EGFLAM: variants seen among roughly 807,000 people sequenced by gnomAD.
EGFLAM encodes the protein EGF like, fibronectin type III and laminin G domains.
Under a neutral mutation model 113.1 loss-of-function variants are expected in EGFLAM, and 79 were observed. The ratio of observed to expected loss-of-function variants is 0.70; its 90% confidence interval spans 0.58 to 0.84. The LOEUF is 0.84. Among genes scored for constraint, EGFLAM ranks in the 40% least tolerant of loss-of-function variants. The pLI is 0.00. For missense variants in EGFLAM, 1,265 were observed against 1,291.6 expected (o/e 0.98, Z 0.32); for synonymous variants, 504 against 487.6 (o/e 1.03, Z -0.44).
intron 1 of EGFLAM, among the ~76,000 whole-genome samples, chr5:38,290,053 A>G (rs970684734): frequency 6.6e-6 from 1 of 152,220 alleles, no homozygotes; most frequent in South Asian, 2.1e-4. Flanking sequence ...GAGCAAACTG[A>G]GCATTAAAGA....
chr5:38,406,118 T>C lies in EGFLAM; in HGVS notation c.713-8T>C. On this transcript the variant is annotated splice_region_variant and splice_polypyrimidine_tract_variant and intron_variant, in intron 6 of 21. Transcript: ENST00000322350. ...CTGATGAAGGGTGTGCTGCTTTTCTTTGTGAAGGCCCTGAGGAGGCGGGAA... is the reference window on the plus strand; with the variant it reads ...CTGATGAAGGGTGTGCTGCTTTTCTCTGTGAAGGCCCTGAGGAGGCGGGAA... The C allele has an allele frequency of 1.2e-6, 2 of 1,612,772 alleles. No individual in the cohort carries two copies.
At chr5:38,295,814 G>C (rs1758441507) in intron 1 of EGFLAM, among the ~76,000 whole-genome samples, 1 of 152,172 alleles carries the variant, frequency 6.6e-6, no homozygotes, top group Non-Finnish European at 1.5e-5. Context: ...TTTTTCAATT[G>C]ATAGTGGGTT....
intron 1 of EGFLAM, among the ~76,000 whole-genome samples, chr5:38,330,193 T>C (rs1489795369): frequency 7.2e-5 from 11 of 152,218 alleles, no homozygotes; most frequent in Admixed American, 1.3e-4. Flanking sequence ...TTCCAGACTA[T>C]CTTGTAGCCA....
intron 13 of EGFLAM, among the ~76,000 whole-genome samples, chr5:38,425,901 G>C (rs9686720): frequency 0.083 from 12,652 of 152,248 alleles, 1,716 homozygotes; most frequent in African/African-American, 0.29. Flanking sequence ...GCCGAGGTGG[G>C]CGGATCACGA....
At chr5:38,373,201 TC>T (rs1163376136) in intron 6 of EGFLAM, among the ~76,000 whole-genome samples, 1 of 149,922 alleles carries the variant, frequency 6.7e-6, no homozygotes, top group Non-Finnish European at 1.5e-5. Flanking sequence ...AGGAATAGTG[TC>T]CCCTTTTTAC....
intron 1 of EGFLAM, among the ~76,000 whole-genome samples, chr5:38,287,712 G>C (rs545877150): frequency 2.6e-5 from 4 of 152,204 alleles, no homozygotes; most frequent in African/African-American, 4.8e-5. Context: ...TAAGGCAGAG[G>C]CATCATCTAG....
rs1757428153 is a variant in EGFLAM, at chr5:38,258,952, ACC to A, written c.97+102_97+103del. On this transcript the variant is annotated intron_variant, in intron 1 of 21. Coordinates refer to ENST00000322350, the MANE Select transcript of EGFLAM (RefSeq NM_152403.4). ...GCAGCGCACCGCCTCCCTCTCCCCGACCAACGTCTGCTTAACTCGCTTCAGCT... is the reference window on the plus strand; with the variant it reads ...GCAGCGCACCGCCTCCCTCTCCCCGAAACGTCTGCTTAACTCGCTTCAGCT... 3 of 1,274,118 alleles carry A rather than the reference ACC, an allele frequency of 2.4e-6. No homozygotes were observed. In the South Asian group the frequency reaches 4.4e-5, roughly 19 times the overall value. 78.9% of individuals were successfully genotyped at this position (1,274,118 alleles called of 1,614,324 possible). A position where few individuals can be genotyped will look rare whatever the true frequency, so the allele number is the denominator to read the frequency against.
At chr5:38,372,261 G>A (rs975907657) in intron 6 of EGFLAM, among the ~76,000 whole-genome samples, 3 of 151,932 alleles carry the variant, frequency 2.0e-5, no homozygotes, top group African/African-American at 7.3e-5. Flanking sequence ...TCCTGCCTCG[G>A]CCTTCCGAGT....
Position 38,462,932 on chromosome 5 carries a change from C to A in EGFLAM, c.2796C>A (p.Thr932=). Residue 932 remains threonine, a synonymous_variant, in exon 21 of 22, where the codon ACC becomes ACA. Transcript: ENST00000322350. ...AVRDGQSGKI[T]VDDYGARTGK... ...GGGATGGCCAGTCAGGAAAGATAAC[C>A]GTGGATGACTATGGAGCCAGAACAG... 6.2e-7 allele frequency: 1 copy of A among 1,614,076 alleles called. No individual in the cohort carries two copies. Among genetic ancestry groups the A allele is most frequent in the Non-Finnish European group, 8.5e-7 (1 of 1,180,002 alleles).
intron 1 of EGFLAM, among the ~76,000 whole-genome samples, chr5:38,315,661 C>T (rs569320229): frequency 6.6e-6 from 1 of 152,138 alleles, no homozygotes; most frequent in African/African-American, 2.4e-5. Context: ...GACCTGGATT[C>T]CTAGCTGTCA....
intron 6 of EGFLAM, among the ~76,000 whole-genome samples, chr5:38,386,152 G>C (rs1267134281): frequency 6.6e-6 from 1 of 152,216 alleles, no homozygotes; most frequent in Non-Finnish European, 1.5e-5. Context: ...TAAGGATACT[G>C]AATAAAGTAA....
chr5:38,286,655 G>A (rs1758170248), intron 1 of EGFLAM, among the ~76,000 whole-genome samples: 1 of 152,194 alleles, frequency 6.6e-6, no homozygotes, highest in South Asian at 2.1e-4. Flanking sequence ...CCTTAGCCAT[G>A]TCACTTTGAA....
In EGFLAM at chr5:38,462,124, G is replaced by C. The variant is rs1162263613; in HGVS notation, c.2772-784G>C. Among the ~76,000 whole-genome samples, 6 of 152,244 alleles carry C rather than the reference G, an allele frequency of 3.9e-5. No homozygotes were observed. In the East Asian group the frequency reaches 1.2e-3, roughly 29 times the overall value. Reference sequence around the variant, plus strand: ...GCGGAGCCTGCAGTGAGCCGAGATCGCGCCACTGCACTCCAGCCTGGGCGA... The same window carrying C: ...GCGGAGCCTGCAGTGAGCCGAGATCCCGCCACTGCACTCCAGCCTGGGCGA... On this transcript the variant is annotated intron_variant, in intron 20 of 21. Coordinates refer to ENST00000322350, the MANE Select transcript of EGFLAM (RefSeq NM_152403.4).
chr5:38,278,066 A>G (rs1286296171), intron 1 of EGFLAM, among the ~76,000 whole-genome samples: 1 of 152,212 alleles, frequency 6.6e-6, no homozygotes, highest in Non-Finnish European at 1.5e-5. Context: ...GAACCACAAA[A>G]GGCCCCAAAT....
At chr5:38,332,389 T>G (rs1029369714) in intron 1 of EGFLAM, among the ~76,000 whole-genome samples, 9 of 152,100 alleles carry the variant, frequency 5.9e-5, no homozygotes, top group African/African-American at 2.2e-4. Context: ...ACCCAGGTAT[T>G]AAGCCCAGTA....
chr5:38,446,275 C>T (rs904233914), intron 17 of EGFLAM, among the ~76,000 whole-genome samples: 1 of 152,106 alleles, frequency 6.6e-6, no homozygotes, highest in Non-Finnish European at 1.5e-5. Flanking sequence ...CTGTCTATTC[C>T]TCTGGGTCTA....
intron 1 of EGFLAM, among the ~76,000 whole-genome samples, chr5:38,307,766 T>C (rs1758760954): frequency 6.6e-6 from 1 of 152,236 alleles, no homozygotes; most frequent in African/African-American, 2.4e-5. Context: ...ACTAAAGAAA[T>C]ACTGGAAACT....
intron 6 of EGFLAM, among the ~76,000 whole-genome samples, chr5:38,396,939 G>A (rs542224654): frequency 3.9e-5 from 6 of 152,270 alleles, no homozygotes; most frequent in African/African-American, 1.4e-4. Flanking sequence ...GGGAGACTCC[G>A]AGAGAGAAAG....
intron 12 of EGFLAM, among the ~76,000 whole-genome samples, chr5:38,419,999 C>A (rs998830317): frequency 2.5e-4 from 38 of 152,124 alleles, no homozygotes; most frequent in Admixed American, 2.4e-3. Flanking sequence ...TGCACTCCAG[C>A]TTGGACAACA....
Sources: gnomAD v4.1 joint callset for allele counts (sites outside exome capture counted in the v4.1 genomes callset) on GRCh38, gnomAD v4.1.1 for gene constraint, MANE v1.5 for transcripts, NCBI Gene and HGNC (gene_info 2026-07-23, HGNC 2026-07-21) for gene names.